The following SNTG1 variants were observed in gnomAD, a reference collection of about 807,000 sequenced individuals.
SNTG1 encodes syntrophin gamma 1, also known as gamma-1-syntrophin.
In SNTG1, 39 loss-of-function variants were observed where a neutral mutation model predicts 74.7. The ratio of observed to expected loss-of-function variants is 0.52; its 90% CI spans 0.40 to 0.68. The LOEUF is 0.68. Ranked by LOEUF, SNTG1 falls within the 30% of genes least tolerant of loss-of-function variation. The pLI is 0.00. For synonymous variants in SNTG1, 254 were observed against 217.1 expected, an observed-to-expected ratio of 1.17 and a Z score of -1.49; for missense variants, 685 against 609.5, an observed-to-expected ratio of 1.12 and a Z score of -1.30.
At chr8:50,672,077 G>A (rs1424388773) in intron 15 of SNTG1, among the ~76,000 whole-genome samples, 1 of 149,178 alleles carries the variant, frequency 6.7e-6, no homozygotes, top group Admixed American at 6.7e-5. Context: ...ATAGCATTAG[G>A]AGATATATCT....
chr8:50,014,926 A>C (rs1404396862), intron 1 of SNTG1, among the ~76,000 whole-genome samples: 1 of 152,012 alleles, frequency 6.6e-6, no homozygotes, highest in East Asian at 1.9e-4. Flanking sequence ...GGGGAAAGGT[A>C]TGGAAGAAAT....
At chr8:50,002,169 G>A (rs965090700) in intron 1 of SNTG1, among the ~76,000 whole-genome samples, 1 of 152,148 alleles carries the variant, frequency 6.6e-6, no homozygotes, top group Non-Finnish European at 1.5e-5. Flanking sequence ...AGATGTTGCA[G>A]GAAGGTAATA....
At chr8:49,928,954 C>A (rs924443389) in intron 1 of SNTG1, among the ~76,000 whole-genome samples, 4 of 151,680 alleles carry the variant, frequency 2.6e-5, no homozygotes, top group Non-Finnish European at 5.9e-5. Flanking sequence ...AAAATAATCA[C>A]AGTGGAATTG....
intron 2 of SNTG1, among the ~76,000 whole-genome samples, chr8:50,319,456 A>G (rs2090444179): frequency 6.6e-6 from 1 of 152,206 alleles, no homozygotes; most frequent in African/African-American, 2.4e-5. Flanking sequence ...ATCAGTTCTA[A>G]TAGTTTTTTA....
chr8:50,095,477 G>A (rs945827783), intron 1 of SNTG1, among the ~76,000 whole-genome samples: 8 of 152,142 alleles, frequency 5.3e-5, no homozygotes, highest in African/African-American at 1.9e-4. Flanking sequence ...GCCTATTGAG[G>A]AAAAGGTAAA....
intron 5 of SNTG1, among the ~76,000 whole-genome samples, chr8:50,442,649 C>T (rs1010719281): frequency 7.4e-6 from 1 of 134,688 alleles, no homozygotes; most frequent in South Asian, 2.4e-4. Flanking sequence ...ACTTGTGTGC[C>T]TTTTTTTCTT....
At chr8:50,509,162 A>G (rs980393277) in intron 9 of SNTG1, among the ~76,000 whole-genome samples, 3 of 152,188 alleles carry the variant, frequency 2.0e-5, no homozygotes, top group Middle Eastern at 3.2e-3. Context: ...TCCCAGCACC[A>G]TTTATTAAAT....
At chr8:50,025,588 A>G (rs568954244) in intron 1 of SNTG1, among the ~76,000 whole-genome samples, 25 of 152,276 alleles carry the variant, frequency 1.6e-4, no homozygotes, top group South Asian at 6.2e-4. Flanking sequence ...AGAAATGGCC[A>G]TGGTAACTCC....
chr8:50,169,157 T>C (rs2082724816), intron 1 of SNTG1, among the ~76,000 whole-genome samples: 1 of 152,220 alleles, frequency 6.6e-6, no homozygotes, highest in Non-Finnish European at 1.5e-5. Context: ...GTGATATTTG[T>C]GTTTCAGGGT....
chr8:50,559,836 G>T (rs183879675), intron 12 of SNTG1, among the ~76,000 whole-genome samples: 60 of 152,084 alleles, frequency 3.9e-4, no homozygotes, highest in East Asian at 3.7e-3. Context: ...TGACAAAAAC[G>T]CAAGAAGCAA....
At chr8:50,651,282 T>G (rs1412366095) in intron 13 of SNTG1, among the ~76,000 whole-genome samples, 3 of 152,004 alleles carry the variant, frequency 2.0e-5, no homozygotes, top group African/African-American at 7.2e-5. Context: ...TTTCTCTCTT[T>G]CTTCCTAAAC....
intron 4 of SNTG1, among the ~76,000 whole-genome samples, chr8:50,422,250 A>C (rs2093098246): frequency 3.1e-4 from 1 of 3,270 alleles, no homozygotes; most frequent in South Asian, 0.5. Context: ...CGATCTATCT[A>C]TCTATCTATC....
chr8:50,600,119 T>A (rs1486310885), intron 13 of SNTG1, among the ~76,000 whole-genome samples: 1 of 152,204 alleles, frequency 6.6e-6, no homozygotes, highest in African/African-American at 2.4e-5. Flanking sequence ...GATTTGTGTA[T>A]GTTAAACCAT....
At chr8:50,731,647 A>G (rs1188788938) in intron 17 of SNTG1, among the ~76,000 whole-genome samples, 1 of 152,082 alleles carries the variant, frequency 6.6e-6, no homozygotes, top group Non-Finnish European at 1.5e-5. Context: ...GCTATAAGGC[A>G]TTTACAATGG....
intron 17 of SNTG1, among the ~76,000 whole-genome samples, chr8:50,731,803 T>G (rs1257373119): frequency 1.4e-4 from 22 of 152,118 alleles, no homozygotes; most frequent in Non-Finnish European, 1.2e-4. Flanking sequence ...GTAAAAGAAA[T>G]AAGACTGCCA....
intron 1 of SNTG1, among the ~76,000 whole-genome samples, chr8:50,065,874 A>G (rs1270042995): frequency 6.6e-6 from 1 of 152,140 alleles, no homozygotes; most frequent in African/African-American, 2.4e-5. Flanking sequence ...TGTCTAGAAG[A>G]CTAAGTCTAT....
rs186478236 is a variant in SNTG1, at chr8:50,079,573, T to C, written c.-102-92988T>C. On this transcript the variant is annotated intron_variant, in intron 1 of 18. Coordinates refer to ENST00000642720, the MANE Select transcript of SNTG1 (RefSeq NM_018967.5). ...GCAGAAGCTCTTTAGTTTAATTAGA[T>C]CCCATTTGTCAATTTTGGCTTTTGT... 1.8e-3 allele frequency among the ~76,000 whole-genome samples: 280 copies of C among 152,294 alleles called. 1 individual carries two copies. The highest frequency in any genetic ancestry group is 7.9e-3 in the South Asian group (38 of 4,828).
intron 8 of SNTG1, among the ~76,000 whole-genome samples, chr8:50,502,275 A>C (rs914440509): frequency 1.3e-5 from 2 of 152,160 alleles, no homozygotes; most frequent in African/African-American, 2.4e-5. Flanking sequence ...ATTTGCTTTA[A>C]TCTGAATTAG....
chr8:50,393,954 G>A (rs1473717680), intron 2 of SNTG1, among the ~76,000 whole-genome samples: 3 of 152,168 alleles, frequency 2.0e-5, no homozygotes, highest in Non-Finnish European at 4.4e-5. Flanking sequence ...CTGGCGGGGT[G>A]GAAAGGTGCC....
Sources: gnomAD v4.1 joint callset for allele counts (sites outside exome capture counted in the v4.1 genomes callset) on GRCh38, gnomAD v4.1.1 for gene constraint, MANE v1.5 for transcripts, NCBI Gene and HGNC (gene_info 2026-07-23, HGNC 2026-07-21) for gene names.